The following TMEM232 variants were observed in gnomAD, a reference collection of about 807,000 sequenced individuals.
TMEM232 encodes transmembrane protein 232.
Under a neutral mutation model 78.8 loss-of-function variants are expected in TMEM232, and 80 were observed. The observed-to-expected ratio is 1.01, with a 90% CI of 0.85 to 1.22. The LOEUF (loss-of-function observed/expected upper bound fraction) is 1.22, where lower values mean the gene tolerates loss of function less well. Ranked by LOEUF, TMEM232 falls within the 50% of genes most tolerant of loss-of-function variation. The pLI, the probability that TMEM232 is intolerant of heterozygous loss-of-function variation, is 0.00. For synonymous variants in TMEM232, 297 were observed against 254.3 expected (o/e 1.17, Z -1.60); for missense variants, 881 against 742.2 (o/e 1.19, Z -2.17).
chr5:110,534,076 C>T lies in TMEM232; in HGVS notation c.1456-5241G>A, dbSNP rs536733641. ...GCAAATTAGCTTTACTCAACATGCC[C>T]CAAGTCAGGAAACTAAAATACCTCT... is the stretch of plus-strand genomic sequence containing the variant. On this transcript the variant is annotated intron_variant, in intron 11 of 13. Coordinates refer to ENST00000455884, the MANE Select transcript of TMEM232 (RefSeq NM_001039763.4). Among the ~76,000 whole-genome samples the T allele has an allele frequency of 2.0e-4, 30 of 152,276 alleles. No individual in the cohort carries two copies. The East Asian group carries it at 5.2e-3, about 26-fold the overall frequency.
chr5:110,514,970 A>G (rs1379877739), intron 12 of TMEM232, among the ~76,000 whole-genome samples: 2 of 152,276 alleles, frequency 1.3e-5, no homozygotes, highest in Non-Finnish European at 2.9e-5. Context: ...TTGTTTGAAC[A>G]TATTTTTAAA....
At chr5:110,615,768 T>C (rs1430225606) in intron 8 of TMEM232, among the ~76,000 whole-genome samples, 1 of 152,020 alleles carries the variant, frequency 6.6e-6, no homozygotes, top group African/African-American at 2.4e-5. Flanking sequence ...AAAAGACTGT[T>C]AGACTTTAAA....
At chr5:110,416,243 T>C (rs1217914020), downstream of TMEM232, among the ~76,000 whole-genome samples, 1 of 152,212 alleles carries the variant, frequency 6.6e-6, no homozygotes. Flanking sequence ...AACCTGAGGT[T>C]GAGAAGTACT....
chr5:110,692,430 C>T (rs1348345416), intron 1 of TMEM232, among the ~76,000 whole-genome samples: 2 of 152,190 alleles, frequency 1.3e-5, no homozygotes, highest in African/African-American at 4.8e-5. Context: ...GTTCATCTCA[C>T]TGGGGAGTGC....
chr5:110,468,829 C>G (rs372266397), intron 12 of TMEM232, among the ~76,000 whole-genome samples: 1 of 151,994 alleles, frequency 6.6e-6, no homozygotes, highest in Non-Finnish European at 1.5e-5. Context: ...TCAGCAGAAA[C>G]AATTAACAAC....
intron 12 of TMEM232, among the ~76,000 whole-genome samples, chr5:110,491,448 AGGC>A (rs1765087099): frequency 6.6e-6 from 1 of 152,076 alleles, no homozygotes; most frequent in Non-Finnish European, 1.5e-5. Flanking sequence ...TGTCCAGAAT[AGGC>A]AAATCCACAG....
intron 2 of TMEM232, among the ~76,000 whole-genome samples, chr5:110,658,337 C>A (rs1789360599): frequency 6.6e-6 from 1 of 152,052 alleles, no homozygotes; most frequent in African/African-American, 2.4e-5. Context: ...TTTATATGTT[C>A]TTTTATTGCC....
At chr5:110,576,916 C>G (rs1327573768) in intron 10 of TMEM232, among the ~76,000 whole-genome samples, 1 of 152,008 alleles carries the variant, frequency 6.6e-6, no homozygotes, top group African/African-American at 2.4e-5. Context: ...CTGTAAGACC[C>G]AAAACTATGA....
intron 1 of TMEM232, among the ~76,000 whole-genome samples, chr5:110,682,385 TA>T (rs911009239): frequency 5.0e-4 from 74 of 148,646 alleles, no homozygotes; most frequent in African/African-American, 1.7e-3. Flanking sequence ...AATGAAAGGT[TA>T]AAAAAAAAAC....
chr5:110,520,685 C>T (rs925880654), intron 12 of TMEM232, among the ~76,000 whole-genome samples: 5 of 151,968 alleles, frequency 3.3e-5, no homozygotes, highest in African/African-American at 7.2e-5. Context: ...TTTGGGAGGC[C>T]GAGGCGGGTG....
chr5:110,446,943 C>T (rs1308697668), intron 12 of TMEM232, among the ~76,000 whole-genome samples: 1 of 151,696 alleles, frequency 6.6e-6, no homozygotes, highest in Non-Finnish European at 1.5e-5. Context: ...TAACCTGAGT[C>T]AGTAAAGCTA....
At chr5:110,539,697 A>G (rs564592382) in intron 11 of TMEM232, among the ~76,000 whole-genome samples, 1 of 152,198 alleles carries the variant, frequency 6.6e-6, no homozygotes, top group Non-Finnish European at 1.5e-5. Flanking sequence ...AGTATATTCC[A>G]GTACATGGAT....
At chr5:110,468,585 G>A (rs996427255) in intron 12 of TMEM232, among the ~76,000 whole-genome samples, 2 of 151,910 alleles carry the variant, frequency 1.3e-5, no homozygotes, top group Middle Eastern at 3.4e-3. Context: ...AATTCTATTC[G>A]AATGATATAT....
chr5:110,628,549 A>G (rs1784705399), intron 5 of TMEM232, among the ~76,000 whole-genome samples: 1 of 152,092 alleles, frequency 6.6e-6, no homozygotes, highest in Non-Finnish European at 1.5e-5. Flanking sequence ...GAAAAAATAT[A>G]TAATCTGCAA....
intron 10 of TMEM232, among the ~76,000 whole-genome samples, chr5:110,592,961 A>G (rs1292611323): frequency 6.6e-6 from 1 of 152,218 alleles, no homozygotes; most frequent in Non-Finnish European, 1.5e-5. Context: ...TGCTCACCAT[A>G]CAAGTATCTA....
intron 2 of TMEM232, among the ~76,000 whole-genome samples, chr5:110,400,671 T>C (rs1426764071): frequency 2.0e-5 from 3 of 152,072 alleles, no homozygotes; most frequent in African/African-American, 7.2e-5. Context: ...ATACCTGGGG[T>C]ACAAGAAAGT....
chr5:110,475,293 T>A (rs959831333), intron 12 of TMEM232, among the ~76,000 whole-genome samples: 4 of 151,968 alleles, frequency 2.6e-5, no homozygotes, highest in Non-Finnish European at 1.5e-5. Flanking sequence ...TGAAAGTAAC[T>A]GAGGCTGGAT....
chr5:110,504,352 G>A (rs1053591770), intron 12 of TMEM232, among the ~76,000 whole-genome samples: 5 of 152,176 alleles, frequency 3.3e-5, no homozygotes, highest in African/African-American at 1.2e-4. Context: ...CTTTCAAAGA[G>A]AGATGCTGAT....
At chr5:110,418,553 A>ATATC (rs1756360144), downstream of TMEM232, among the ~76,000 whole-genome samples, 1 of 152,128 alleles carries the variant, frequency 6.6e-6, no homozygotes, top group Non-Finnish European at 1.5e-5. Flanking sequence ...CTTTCTCTAT[A>ATATC]TATCTATATA....
Sources: gnomAD v4.1 joint callset for allele counts (sites outside exome capture counted in the v4.1 genomes callset) on GRCh38, gnomAD v4.1.1 for gene constraint, MANE v1.5 for transcripts, NCBI Gene and HGNC (gene_info 2026-07-23, HGNC 2026-07-21) for gene names.